Variants in CDHR2 observed in about 807,000 individuals in gnomAD.
CDHR2 encodes cadherin-related family member 2.
Under a neutral mutation model 138.6 loss-of-function variants are expected in CDHR2, and 104 were observed. The observed-to-expected ratio is 0.75, with a 90% CI of 0.64 to 0.88. The LOEUF is 0.88. Ranked by LOEUF, CDHR2 falls within the 40% of genes least tolerant of loss-of-function variation. The pLI is 0.00. For synonymous variants in CDHR2, 755 were observed against 742.8 expected (o/e 1.02, Z -0.27); for missense variants, 1,624 against 1,727.6 (o/e 0.94, Z 1.06).
Position 176,574,164 on chromosome 5 carries a change from A to G in CDHR2, c.487A>G (p.Ile163Val). ...MGSAGMVVYSIEKVIPSTGDS... is the reference protein window; with the variant it reads ...MGSAGMVVYSVEKVIPSTGDS... ...GTCTGCAGGCATGGTCGTGTACTCC[A>G]TAGAGAAGGTGAGTGTGAAGGGGGC... Residue 163 changes from isoleucine (I) to valine (V), a missense_variant, in exon 7 of 32, where the codon ATA becomes GTA. Transcript: ENST00000261944. The G allele has an allele frequency of 2.5e-6, 4 of 1,613,414 alleles. No individual in the cohort carries two copies. The highest frequency in any genetic ancestry group is 2.5e-6 in the Non-Finnish European group (3 of 1,179,432).
At position 176,584,722 on chromosome 5, in the gene CDHR2, G is replaced by A. The variant is rs551819134; in HGVS notation, c.2441G>A (p.Arg814Gln). Reference protein sequence around the residue: ...NPPTLDVASLRGIRVAENGSQ... With the variant: ...NPPTLDVASLQGIRVAENGSQ... ...CCCACCCTGGATGTAGCCTCACTCCGGGGCATCCGTGTGGCTGAGAATGGC... is the reference window on the plus strand; with the variant it reads ...CCCACCCTGGATGTAGCCTCACTCCAGGGCATCCGTGTGGCTGAGAATGGC... The change falls in exon 19 of 32, where the codon CGG (arginine) becomes CAG (glutamine). Residue 814 changes from arginine to glutamine, a missense_variant. By Grantham distance (43) the Arg-to-Gln change is conservative (BLOSUM62 1). Around this residue, in one of 3 missense-constraint regions of CDHR2, gnomAD observed 1,061 missense variants for 1,136.6 expected, o/e 0.93. Transcript: ENST00000261944. 6.2e-6 allele frequency: 10 copies of A among 1,614,164 alleles called. No individual in the cohort carries two copies. Among genetic ancestry groups the A allele is most frequent in the East Asian group, 4.5e-5 (2 of 44,890 alleles).
At chr5:176,569,977 A>C (rs1758186366) in intron 5 of CDHR2, among the ~76,000 whole-genome samples, 1 of 151,686 alleles carries the variant, frequency 6.6e-6, no homozygotes. Flanking sequence ...AAAAAATTAC[A>C]GATAAAACGA....
At chr5:176,591,135 C>A in intron 28 of CDHR2, 75 bp from the exon 29 acceptor site, 1 of 1,007,552 alleles carries the variant, frequency 9.9e-7, no homozygotes, top group Non-Finnish European at 1.6e-6. Context: ...CTTGTGAAGC[C>A]ACAGGCTCAG....
chr5:176,586,105 AC>A, intron 20 of CDHR2, 80 bp downstream of exon 20: 3 of 1,129,482 alleles, frequency 2.7e-6, no homozygotes, highest in Non-Finnish European at 2.7e-6. Context: ...CCCTCCTTGG[AC>A]CCCAGGGGGA....
intron 17 of CDHR2, 151 bp from the exon 18 acceptor site, chr5:176,584,039 A>C: frequency 1.4e-6 from 1 of 699,124 alleles, no homozygotes; most frequent in South Asian, 1.7e-5. Context: ...CCCTCCTCTC[A>C]GAGCCTGTCT....
intron 6 of CDHR2, 87 bp from the exon 7 acceptor site, chr5:176,573,996 A>T: frequency 9.8e-7 from 1 of 1,019,724 alleles, no homozygotes; most frequent in Non-Finnish European, 1.5e-6. Context: ...TGCACAGCTG[A>T]GGACACTGAA....
chr5:176,590,849 C>T (rs576037024), intron 28 of CDHR2, among the ~76,000 whole-genome samples, 162 bp downstream of exon 28: 40 of 152,274 alleles, frequency 2.6e-4, no homozygotes, highest in Non-Finnish European at 4.9e-4. Context: ...CTCCCCTCCA[C>T]GGGCCTCAGT....
At chr5:176,589,499 G>A (rs1470173364) in intron 23 of CDHR2, 29 bp from the exon 24 acceptor site, 1 of 1,613,468 alleles carries the variant, frequency 6.2e-7, no homozygotes, top group African/African-American at 1.3e-5. Flanking sequence ...GGTCCCTGGT[G>A]CCTCATCTCC....
intron 11 of CDHR2, 21 bp from the exon 12 acceptor site, chr5:176,575,931 G>C: frequency 6.2e-7 from 1 of 1,603,340 alleles, no homozygotes; most frequent in Non-Finnish European, 8.5e-7. Flanking sequence ...TCTGCCCTCT[G>C]CCCTCTGCTC....
rs1758823029 is a variant in CDHR2 at position 176,590,674 on chromosome 5, T to C, written c.3526T>C (p.Cys1176Arg). 6.2e-7 allele frequency: 1 copy of C among 1,613,298 alleles called. No individual in the cohort carries two copies. Among genetic ancestry groups the C allele is most frequent in the African/African-American group, 1.3e-5 (1 of 74,862 alleles). Residue 1176 changes from cysteine (C) to arginine (R), a missense_variant, in exon 28 of 32, where the codon TGT (cysteine) becomes CGT (arginine). By Grantham distance (180) the Cys-to-Arg change is radical (BLOSUM62 -3). Transcript: ENST00000261944. Reference protein sequence around the residue: ...VLVIMTMAFVCVRKSYNRKLQ... With the variant: ...VLVIMTMAFVRVRKSYNRKLQ... Reference sequence around the variant, plus strand: ...TGTGATCATGACCATGGCCTTCGTGTGTGTGCGGAAGAGGTGCGGCTCCCA... The same window carrying C: ...TGTGATCATGACCATGGCCTTCGTGCGTGTGCGGAAGAGGTGCGGCTCCCA...
chr5:176,592,333 GTGA>G (rs1758899122), intron 30 of CDHR2, among the ~76,000 whole-genome samples: 2 of 148,862 alleles, frequency 1.3e-5, no homozygotes, highest in South Asian at 4.4e-4. Flanking sequence ...TGGTGTTGAG[GTGA>G]TGGTGGTGAT....
chr5:176,592,497 G>A lies in CDHR2; in HGVS notation c.3735-226G>A, dbSNP rs1462804924. ...TGTTGAGGTGATGGTGATGGTGGTGGTGATAGTGATTATGATGATAGTGGT... is the reference window on the plus strand; with the variant it reads ...TGTTGAGGTGATGGTGATGGTGGTGATGATAGTGATTATGATGATAGTGGT... On this transcript the variant is annotated intron_variant, in intron 30 of 31. Coordinates refer to ENST00000261944, the MANE Select transcript of CDHR2 (RefSeq NM_017675.6). Among the ~76,000 whole-genome samples, 6 of 146,960 alleles carry A rather than the reference G, an allele frequency of 4.1e-5. 1 individual carries two copies. The highest frequency in any genetic ancestry group is 6.7e-5 in the Admixed American group (1 of 14,858).
rs771807256 is a variant in CDHR2 at position 176,577,815 on chromosome 5, C to G, written c.1512+17C>G. Reference sequence around the variant, plus strand: ...AGCATCCACGTGAGTGATGTGGACACAGTGGGGCTGTGGGGTCCCAGCAAG... The same window carrying G: ...AGCATCCACGTGAGTGATGTGGACAGAGTGGGGCTGTGGGGTCCCAGCAAG... On this transcript the variant is annotated intron_variant, in intron 14 of 31. Coordinates refer to ENST00000261944, the MANE Select transcript of CDHR2 (RefSeq NM_017675.6). The G allele has an allele frequency of 6.2e-7, 1 of 1,612,834 alleles. No homozygotes were observed. Among genetic ancestry groups the G allele is most frequent in the African/African-American group, 1.3e-5 (1 of 74,890 alleles).
At chr5:176,560,966 G>T (rs571877196) in intron 1 of CDHR2, among the ~76,000 whole-genome samples, 167 of 134,572 alleles carry the variant, frequency 1.2e-3, no homozygotes, top group Non-Finnish European at 2.1e-3. Context: ...TCAGAACCAG[G>T]ATCTCTGACT....
chr5:176,575,595 G>A lies in CDHR2; in HGVS notation c.844+14G>A. Reference sequence around the variant, plus strand: ...ACAGCATCTCCTGTGAGAACGGGGTGTCCCCAGGCCAGGGCTGGGCCGGGG... The same window carrying A: ...ACAGCATCTCCTGTGAGAACGGGGTATCCCCAGGCCAGGGCTGGGCCGGGG... On this transcript the variant is annotated intron_variant, in intron 10 of 31. Coordinates refer to ENST00000261944, the MANE Select transcript of CDHR2 (RefSeq NM_017675.6). 1 of 1,613,410 alleles carries A rather than the reference G, an allele frequency of 6.2e-7. No homozygotes were observed. Among genetic ancestry groups the A allele is most frequent in the African/African-American group, 1.3e-5 (1 of 75,040 alleles).
chr5:176,555,842 A>C (rs910803190), intron 1 of CDHR2, among the ~76,000 whole-genome samples: 1 of 152,140 alleles, frequency 6.6e-6, no homozygotes, highest in African/African-American at 2.4e-5. Context: ...CAGAGGTTGC[A>C]GTGAGCCGAG....
At chr5:176,563,490 GA>G (rs373377859) in intron 1 of CDHR2, among the ~76,000 whole-genome samples, 245 of 148,278 alleles carry the variant, frequency 1.7e-3, no homozygotes, top group African/African-American at 5.5e-3. Flanking sequence ...TAGAGAAAAA[GA>G]AAAAAAAAAC....
At chr5:176,589,677 C>A in intron 24 of CDHR2, 61 bp downstream of exon 24, 1 of 1,426,826 alleles carries the variant, frequency 7.0e-7, no homozygotes, top group Non-Finnish European at 9.9e-7. Flanking sequence ...GCCTGGTCCC[C>A]GACAAAACCT....
intron 21 of CDHR2, among the ~76,000 whole-genome samples, chr5:176,588,363 T>G (rs937053911): frequency 1.3e-5 from 2 of 150,598 alleles, no homozygotes; most frequent in Non-Finnish European, 3.0e-5. Flanking sequence ...TTGAGTGTAT[T>G]TGTGTGAGTG....
Sources: allele counts gnomAD v4.1 joint callset (sites outside exome capture counted in the v4.1 genomes callset), GRCh38; gene constraint gnomAD v4.1.1; regional missense constraint gnomAD v4.1.1; transcripts MANE v1.5; gene names NCBI Gene and HGNC (gene_info 2026-07-23, HGNC 2026-07-21).